Variants in PAK6 observed in about 807,000 individuals in gnomAD.
PAK6 encodes serine/threonine-protein kinase PAK 6.
PAK6 carries 33 observed loss-of-function variants against 60.8 expected under a neutral mutation model. That is an observed-to-expected ratio of 0.54 (90% CI 0.41 to 0.73). The LOEUF (loss-of-function observed/expected upper bound fraction) is 0.73. Ranked by LOEUF, PAK6 falls within the 30% of genes least tolerant of loss-of-function variation. The probability of loss-of-function intolerance (pLI) is 0.00; values close to 1 mark genes in which losing one functional copy is unlikely to be tolerated. For missense variants in PAK6, 845 were observed against 904.1 expected (o/e 0.93, Z 0.84); for synonymous variants, 404 against 378.5 (o/e 1.07, Z -0.78).
chr15:40,261,541 A>AATAT (rs138751731), intron 3 of PAK6, among the ~76,000 whole-genome samples: 7 of 150,264 alleles, frequency 4.7e-5, no homozygotes, highest in African/African-American at 1.5e-4. Flanking sequence ...CATCTCAAAA[A>AATAT]ATATATATAT....
At chr15:40,248,349 G>A (rs539618657) in intron 2 of PAK6, among the ~76,000 whole-genome samples, 5 of 152,304 alleles carry the variant, frequency 3.3e-5, no homozygotes, top group South Asian at 2.1e-4. Flanking sequence ...CTGGAGGAGA[G>A]GGGGAGGAAG....
At chr15:40,272,106 T>G (rs1217726177) in intron 5 of PAK6, 118 bp from the exon 6 acceptor site, 1 of 1,145,020 alleles carries the variant, frequency 8.7e-7, no homozygotes, top group African/African-American at 1.5e-5. Flanking sequence ...TAGTTTGATC[T>G]GATACCCCGC....
intron 10 of PAK6, among the ~76,000 whole-genome samples, chr15:40,275,357 C>G (rs1426155107): frequency 7.8e-6 from 1 of 128,384 alleles, no homozygotes; most frequent in South Asian, 2.5e-4. Context: ...GCGATCTCAG[C>G]TCACTGCAAC....
chr15:40,264,689 G>A, intron 3 of PAK6, 92 bp from the exon 4 acceptor site: 1 of 1,015,678 alleles, frequency 9.8e-7, no homozygotes, highest in Non-Finnish European at 1.5e-6. Context: ...TGTGCTGGGG[G>A]AGGGGAGGGA....
In PAK6 at chr15:40,242,146, G is replaced by A. The variant is rs992309366; in HGVS notation, c.-118+1465G>A. On this transcript the variant is annotated intron_variant, in intron 2 of 10. Coordinates refer to ENST00000560346, the Ensembl canonical transcript of PAK6. ...GGCCAGGGCAGGCTGAGCAGGAAAG[G>A]AAAAGGCTGCCTGGGGTCCTGAGGG... Among the ~76,000 whole-genome samples, 3 of 152,098 alleles carry A rather than the reference G, an allele frequency of 2.0e-5. No homozygotes were observed. The East Asian group carries it at 5.8e-4, about 29-fold the overall frequency.
Position 40,264,770 on chromosome 15 carries a change from T to C in PAK6, c.-5-11T>C, listed in dbSNP as rs1475515766. On this transcript the variant is annotated splice_polypyrimidine_tract_variant and intron_variant, in intron 3 of 10. Transcript: ENST00000560346. ...CCCGGGAGGGAGCTCAACCTTACTC[T>C]GCACTTACAGGCACCATGTTCCGCA... 2 of 1,613,178 alleles carry C rather than the reference T, an allele frequency of 1.2e-6. No individual in the cohort carries two copies. Among genetic ancestry groups the C allele is most frequent in the Admixed American group, 3.3e-5 (2 of 60,000 alleles).
intron 1 of PAK6, 147 bp from the exon 2 acceptor site, chr15:40,240,452 A>G: frequency 2.9e-6 from 1 of 346,310 alleles, no homozygotes. Context: ...GGCACCAGTG[A>G]GTAAGCTGCC....
At chr15:40,265,848 G>C in exon 5 of PAK6, 1 of 1,532,732 alleles carries the variant, frequency 6.5e-7, no homozygotes, top group South Asian at 1.3e-5. Context: ...ACAGACAGTG[G>C]TGCGGGGCAG....
chr15:40,266,175 C>T, exon 5 of PAK6: 1 of 1,609,180 alleles, frequency 6.2e-7, no homozygotes, highest in Non-Finnish European at 8.5e-7. Context: ...GGCACAGTCC[C>T]TGGGCCCCGC....
rs1013026234 is a variant in PAK6 at position 40,263,103 on chromosome 15, G to A, written c.-5-1678G>A. Among the ~76,000 whole-genome samples the A allele has an allele frequency of 2.0e-5, 3 of 152,340 alleles. No homozygotes were observed. In the East Asian group the frequency reaches 5.8e-4, roughly 29 times the overall value. ...AATTCCTAGTGGGGAACCACTGGCT[G>A]TCCAGGGTCCCTGCCTTTCTGCCAG... On this transcript the variant is annotated intron_variant, in intron 3 of 10. Coordinates refer to ENST00000560346, the Ensembl canonical transcript of PAK6.
chr15:40,241,101 A>C (rs934660813), intron 2 of PAK6, among the ~76,000 whole-genome samples: 2 of 151,964 alleles, frequency 1.3e-5, no homozygotes, highest in Non-Finnish European at 2.9e-5. Flanking sequence ...ACAGATTCTG[A>C]CTCTGAAACT....
At chr15:40,243,922 G>T (rs1311956808) in intron 2 of PAK6, among the ~76,000 whole-genome samples, 1 of 152,210 alleles carries the variant, frequency 6.6e-6, no homozygotes, top group Non-Finnish European at 1.5e-5. Flanking sequence ...ACTGCATGAG[G>T]AACTGTGTTC....
intron 8 of PAK6, 39 bp from the exon 9 acceptor site, chr15:40,273,512 T>A: frequency 6.2e-7 from 1 of 1,613,792 alleles, no homozygotes; most frequent in Non-Finnish European, 8.5e-7. Flanking sequence ...ACGCTCCCAC[T>A]TCCTCCTGAT....
At chr15:40,252,359 G>A (rs2038696666) in intron 2 of PAK6, 2 of 1,304,026 alleles carry the variant, frequency 1.5e-6, no homozygotes, top group East Asian at 5.1e-5. Flanking sequence ...CCCCGCGGCT[G>A]TGGCCAGGCC....
intron 2 of PAK6, chr15:40,245,369 G>A (rs1566842030): frequency 6.6e-6 from 1 of 152,268 alleles, no homozygotes; most frequent in Non-Finnish European, 1.5e-5. Flanking sequence ...GACTCCTAAA[G>A]GCTGCAGCAG....
In PAK6 at chr15:40,271,540, C is replaced by G. The variant is rs559488665; in HGVS notation, c.859-684C>G. ...GGTTTGGCTGGACCTACCCTCCTAA[C>G]TCCAGATCTCTCTGGCACCAGATTC... On this transcript the variant is annotated intron_variant, in intron 5 of 10. Transcript: ENST00000560346. Among the ~76,000 whole-genome samples the G allele has an allele frequency of 2.0e-5, 3 of 152,340 alleles. No homozygotes were observed. The East Asian group carries it at 5.8e-4, about 29-fold the overall frequency.
chr15:40,252,614 G>A (rs1242532031), intron 2 of PAK6: 2 of 1,345,748 alleles, frequency 1.5e-6, no homozygotes, highest in Non-Finnish European at 2.0e-6. Context: ...CGGCGTTCCC[G>A]CGCCGAGGTC....
chr15:40,252,270 A>T, intron 2 of PAK6: 1 of 1,206,896 alleles, frequency 8.3e-7, no homozygotes, highest in South Asian at 1.5e-5. Flanking sequence ...CGAGGTGATT[A>T]CACACAGCCG....
chr15:40,261,124 G>A (rs947872600), intron 3 of PAK6, among the ~76,000 whole-genome samples: 45 of 151,992 alleles, frequency 3.0e-4, no homozygotes, highest in Middle Eastern at 3.4e-3. Context: ...TCCTGACCTC[G>A]TGATTCGCCC....
Sources: gnomAD v4.1 joint callset for allele counts (sites outside exome capture counted in the v4.1 genomes callset) on GRCh38, gnomAD v4.1.1 for gene constraint, MANE v1.5 for transcripts, NCBI Gene and HGNC (gene_info 2026-07-23, HGNC 2026-07-21) for gene names.